DOCK9: variants seen among roughly 807,000 people sequenced by gnomAD.
The protein encoded by DOCK9 is dedicator of cytokinesis protein 9.
Under a neutral mutation model 263.3 loss-of-function variants are expected in DOCK9, and 89 were observed. The ratio of observed to expected loss-of-function variants is 0.34; its 90% CI spans 0.28 to 0.40. DOCK9 has a LOEUF of 0.40. DOCK9 is among the 10% of genes least tolerant of loss of function. The pLI is 1.00. For synonymous variants in DOCK9, 976 were observed against 973.1 expected, an observed-to-expected ratio of 1.00 and a Z score of -0.06; for missense variants, 2,140 against 2,603.4, an observed-to-expected ratio of 0.82 and a Z score of 3.87.
Position 98,800,444 on chromosome 13 carries a change from G to C in DOCK9, c.5760C>G (p.Ile1920Met). The C allele has an allele frequency of 6.2e-7, 1 of 1,614,018 alleles. No individual in the cohort carries two copies. The highest frequency in any genetic ancestry group is 1.1e-5 in the South Asian group (1 of 91,086). Residue 1920 changes from isoleucine (I) to methionine (M), a missense_variant, in exon 50 of 53, where the codon ATC (isoleucine) becomes ATG (methionine). This residue lies in a region of DOCK9 where 619 missense variants were observed against 861.8 expected (regional missense o/e 0.72). Coordinates refer to ENST00000682017, the MANE Select transcript of DOCK9 (RefSeq NM_001366683.2). ...CAGTGTGGTGCTGGTACATGACAGG[G>C]ATGCGCTTCTTCACATAAGGGAAGC... The part of the protein sequence containing the change: ...IHCFPYVKKR[I>M]PVMYQHHTDL...
chr13:98,940,778 T>G (rs1426048128), intron 2 of DOCK9, among the ~76,000 whole-genome samples: 5 of 152,114 alleles, frequency 3.3e-5, no homozygotes, highest in African/African-American at 9.7e-5. Context: ...CTCTGCCTGA[T>G]GTCAAAGTAC....
chr13:98,845,967 C>T lies in DOCK9; in HGVS notation c.4155G>A (p.Leu1385=). ...AGTTATCCAGGCTGCCCAGCTGCTGCAATCTGGCATGCATCATTCCTGTTC... is the reference window on the plus strand; with the variant it reads ...AGTTATCCAGGCTGCCCAGCTGCTGTAATCTGGCATGCATCATTCCTGTTC... ...RNRTGMMHAR[L]QQLGSLDNSL... Residue 1385 remains leucine, a synonymous_variant, in exon 38 of 53, where the codon TTG becomes TTA. Transcript: ENST00000682017. 6.2e-7 allele frequency: 1 copy of T among 1,613,304 alleles called. No homozygotes were observed. The highest frequency in any genetic ancestry group is 8.5e-7 in the Non-Finnish European group (1 of 1,179,652).
chr13:98,931,580 G>A (rs1171375973), intron 2 of DOCK9, among the ~76,000 whole-genome samples: 1 of 151,446 alleles, frequency 6.6e-6, no homozygotes, highest in South Asian at 2.1e-4. Context: ...TTACAGGCGT[G>A]AGCCACTGCG....
intron 1 of DOCK9, among the ~76,000 whole-genome samples, chr13:99,030,100 T>C (rs1231455820): frequency 6.6e-6 from 1 of 152,232 alleles, no homozygotes; most frequent in African/African-American, 2.4e-5. Context: ...AGTGGTTGCC[T>C]GGAGTTGGGG....
At chr13:98,948,536 T>C (rs550982593) in intron 2 of DOCK9, among the ~76,000 whole-genome samples, 1 of 152,340 alleles carries the variant, frequency 6.6e-6, no homozygotes, top group Admixed American at 6.5e-5. Flanking sequence ...TTTTTAAAAA[T>C]CATTATTTTA....
At chr13:98,891,297 G>A (rs771159535) in intron 15 of DOCK9, among the ~76,000 whole-genome samples, 4 of 152,088 alleles carry the variant, frequency 2.6e-5, no homozygotes, top group Non-Finnish European at 1.5e-5. Flanking sequence ...TTGACATACG[G>A]TGCCTTGCTC....
intron 1 of DOCK9, among the ~76,000 whole-genome samples, chr13:99,056,904 T>G (rs950459467): frequency 1.3e-5 from 2 of 152,190 alleles, no homozygotes; most frequent in African/African-American, 4.8e-5. Flanking sequence ...GAAGCCACAT[T>G]CCTACAGATG....
intron 1 of DOCK9, among the ~76,000 whole-genome samples, chr13:98,989,379 G>A (rs7321581): frequency 0.34 from 30,020 of 88,660 alleles, 3,664 homozygotes; most frequent in East Asian, 0.59. Context: ...TAATAATAAT[G>A]ATAATACAGA....
chr13:99,011,735 A>T (rs1354785424), intron 1 of DOCK9, among the ~76,000 whole-genome samples: 1 of 111,776 alleles, frequency 8.9e-6, no homozygotes, highest in Non-Finnish European at 2.3e-5. Flanking sequence ...GTGGTTAAGT[A>T]AATTACCCAA....
intron 45 of DOCK9, among the ~76,000 whole-genome samples, chr13:98,818,465 T>C (rs1029911055): frequency 1.3e-5 from 2 of 152,168 alleles, no homozygotes; most frequent in Admixed American, 6.5e-5. Context: ...AATGGTCAGA[T>C]AGTGATAACC....
intron 4 of DOCK9, among the ~76,000 whole-genome samples, chr13:98,924,685 G>A (rs1324726926): frequency 6.6e-6 from 1 of 152,154 alleles, no homozygotes; most frequent in African/African-American, 2.4e-5. Flanking sequence ...AAATGGATTA[G>A]TACCCAAGAG....
intron 27 of DOCK9, 33 bp from the exon 28 acceptor site, chr13:98,868,410 T>C: frequency 1.3e-6 from 2 of 1,578,224 alleles, no homozygotes; most frequent in Non-Finnish European, 8.6e-7. Flanking sequence ...ATTTATTATT[T>C]ATTAAGTTGC....
At chr13:99,066,886 C>G in intron 1 of DOCK9, among the ~76,000 whole-genome samples, 1 of 152,170 alleles carries the variant, frequency 6.6e-6, no homozygotes, top group Non-Finnish European at 1.5e-5. Flanking sequence ...TGCCACTACC[C>G]AGAATCTTTA....
chr13:98,993,098 T>C (rs1880193224), intron 1 of DOCK9, among the ~76,000 whole-genome samples: 1 of 152,214 alleles, frequency 6.6e-6, no homozygotes, highest in Non-Finnish European at 1.5e-5. Flanking sequence ...GTCAGGAGTA[T>C]GGACTCTGCC....
At chr13:98,796,999 A>G in intron 52 of DOCK9, 116 bp downstream of exon 52, 1 of 1,119,980 alleles carries the variant, frequency 8.9e-7, no homozygotes, top group Non-Finnish European at 1.3e-6. Flanking sequence ...GGTATGCTAC[A>G]TTCTCCTTCA....
chr13:98,828,243 C>G (rs1261304303), intron 43 of DOCK9, among the ~76,000 whole-genome samples: 1 of 152,240 alleles, frequency 6.6e-6, no homozygotes, highest in Non-Finnish European at 1.5e-5. Flanking sequence ...GGATACATTT[C>G]TGTGTGAAGC....
At chr13:99,050,701 T>C (rs2040651596) in intron 1 of DOCK9, among the ~76,000 whole-genome samples, 1 of 151,880 alleles carries the variant, frequency 6.6e-6, no homozygotes, top group Non-Finnish European at 1.5e-5. Flanking sequence ...AGTAAATAAA[T>C]AAAAAATAAA....
chr13:99,043,810 C>T lies in DOCK9; in HGVS notation c.129+42413G>A, dbSNP rs555683419. Among the ~76,000 whole-genome samples the T allele has an allele frequency of 1.5e-4, 23 of 152,248 alleles. No individual in the cohort carries two copies. In the South Asian group the frequency reaches 4.6e-3, roughly 30 times the overall value. ...CAGCCTGCCCCCTCCTTGAGGCCCT[C>T]CATGATGGGACGGCCAGCTTCAGTG... On this transcript the variant is annotated intron_variant, in intron 1 of 32. Coordinates refer to the DOCK9 transcript ENST00000427887.
chr13:98,980,992 T>A (rs535321991), upstream of DOCK9, among the ~76,000 whole-genome samples: 1 of 152,242 alleles, frequency 6.6e-6, no homozygotes, highest in East Asian at 1.9e-4. Flanking sequence ...GAAAACATGA[T>A]CAGTTCCATA....
Sources: allele counts gnomAD v4.1 joint callset (sites outside exome capture counted in the v4.1 genomes callset), GRCh38; gene constraint gnomAD v4.1.1; regional missense constraint gnomAD v4.1.1; transcripts MANE v1.5; gene names NCBI Gene and HGNC (gene_info 2026-07-23, HGNC 2026-07-21).